The following SAXO5 variants were observed in gnomAD, a reference collection of about 807,000 sequenced individuals.
SAXO5 encodes stabilizer of axonemal microtubules 5.
the SAXO5 span, chr19:7,504,432 G>A: frequency 6.3e-7 from 1 of 1,590,754 alleles, no homozygotes; most frequent in Non-Finnish European, 8.6e-7. Context: ...GCCACTGCGG[G>A]CACGGTGGCT....
At chr19:7,508,142 G>T in the SAXO5 span, 10 of 1,389,602 alleles carry the variant, frequency 7.2e-6, no homozygotes, top group Non-Finnish European at 9.1e-6. Flanking sequence ...AGATCCTGGG[G>T]TGGACAGGGT....
the SAXO5 span, chr19:7,501,009 C>A: frequency 6.5e-7 from 1 of 1,529,132 alleles, no homozygotes; most frequent in East Asian, 2.5e-5. Context: ...GCAGCCGCCG[C>A]CCGCGCTGCT....
the SAXO5 span, chr19:7,508,115 T>C: frequency 1.0e-5 from 11 of 1,088,312 alleles, no homozygotes; most frequent in African/African-American, 1.6e-5. Flanking sequence ...CCCCGCCCCC[T>C]GACTCATCAG....
At chr19:7,503,995 C>CTACA in the SAXO5 span, 1 of 660,020 alleles carries the variant, frequency 1.5e-6, no homozygotes, top group Admixed American at 2.6e-5. Flanking sequence ...AGCTCTCAGT[C>CTACA]TACACTGTTC....
chr19:7,507,386 C>G, the SAXO5 span, among the ~76,000 whole-genome samples: 1 of 152,106 alleles, frequency 6.6e-6, no homozygotes, highest in African/African-American at 2.4e-5. Flanking sequence ...AGTTCGAGAC[C>G]AGCCTGGCCA....
chr19:7,501,052 A>T, the SAXO5 span: 1 of 1,511,580 alleles, frequency 6.6e-7, no homozygotes, highest in Non-Finnish European at 8.8e-7. Flanking sequence ...GACCGGGAAG[A>T]GCGCGTGTCG....
the SAXO5 span, chr19:7,506,298 C>T: frequency 1.2e-6 from 1 of 804,440 alleles, no homozygotes; most frequent in Non-Finnish European, 2.1e-6. Context: ...AAGCCCAGCC[C>T]TGGAAGCCTC....
chr19:7,500,752 A>T, the SAXO5 span: 466 of 1,235,392 alleles, frequency 3.8e-4, no homozygotes, highest in Non-Finnish European at 4.5e-4. Flanking sequence ...CAGGAGTCAA[A>T]GGCAAGTGCC....
the SAXO5 span, among the ~76,000 whole-genome samples, chr19:7,504,888 A>G: frequency 9.2e-5 from 14 of 151,924 alleles, no homozygotes; most frequent in East Asian, 2.7e-3. Context: ...TCAGAGCCCC[A>G]CAGCTTGGTC....
At chr19:7,499,789 T>C in the SAXO5 span, 1 of 151,034 alleles carries the variant, frequency 6.6e-6, no homozygotes, top group South Asian at 2.2e-4. Flanking sequence ...CTGAGCAACA[T>C]AGCCAGACCC....
chr19:7,505,478 C>A, the SAXO5 span: 8 of 1,613,468 alleles, frequency 5.0e-6, no homozygotes, highest in East Asian at 1.8e-4. Context: ...CCCACCGCAG[C>A]CTCCCAGGGC....
chr19:7,506,481 G>A, the SAXO5 span: 4 of 430,186 alleles, frequency 9.3e-6, no homozygotes, highest in Non-Finnish European at 1.7e-5. Context: ...TTCTGGACAC[G>A]GCCCTGCCCC....
the SAXO5 span, among the ~76,000 whole-genome samples, chr19:7,507,708 C>T: frequency 6.6e-6 from 1 of 152,200 alleles, no homozygotes; most frequent in East Asian, 1.9e-4. Flanking sequence ...TCAGAGCCAC[C>T]CAGGATCACC....
the SAXO5 span, chr19:7,506,869 C>T: frequency 6.9e-6 from 4 of 582,180 alleles, no homozygotes; most frequent in East Asian, 1.2e-4. Context: ...AGCTCCTCCC[C>T]CTTCCTCTGG....
chr19:7,501,112 T>C, the SAXO5 span: 1 of 1,505,664 alleles, frequency 6.6e-7, no homozygotes, highest in East Asian at 2.7e-5. Flanking sequence ...TGGGAGCTGC[T>C]GCAAGCGCAG....
the SAXO5 span, among the ~76,000 whole-genome samples, chr19:7,501,646 A>AC: frequency 2.0e-5 from 3 of 150,372 alleles, no homozygotes; most frequent in South Asian, 4.2e-4. Context: ...ATATGGAGGA[A>AC]CCCCGCCTCT....
chr19:7,506,821 C>T, the SAXO5 span: 2 of 527,704 alleles, frequency 3.8e-6, no homozygotes. Flanking sequence ...TCCCTCTTCC[C>T]CAGCGCCTAC....
the SAXO5 span, among the ~76,000 whole-genome samples, chr19:7,498,554 G>A: frequency 0.029 from 4,480 of 152,026 alleles, 96 homozygotes; most frequent in Non-Finnish European, 0.048. Flanking sequence ...GCGCCACCAC[G>A]CCTGACTAAT....
chr19:7,504,111 C>G, the SAXO5 span: 13,016 of 1,596,932 alleles, frequency 8.2e-3, 74 homozygotes, highest in Non-Finnish European at 8.7e-3. Context: ...TCCCCCTTGC[C>G]TATCCTAAGG....
Sources: gnomAD v4.1 joint callset for allele counts (sites outside exome capture counted in the v4.1 genomes callset) on GRCh38, gnomAD v4.1.1 for gene constraint, MANE v1.5 for transcripts, NCBI Gene and HGNC (gene_info 2026-07-23, HGNC 2026-07-21) for gene names.